The following PTPRN2 variants were observed in gnomAD, a reference collection of about 807,000 sequenced individuals.
The protein encoded by PTPRN2 is receptor-type tyrosine-protein phosphatase N2.
Under a neutral mutation model 118.8 loss-of-function variants are expected in PTPRN2, and 74 were observed. The ratio of observed to expected loss-of-function variants is 0.62; its 90% CI spans 0.52 to 0.76. The LOEUF (loss-of-function observed/expected upper bound fraction) is 0.76, where lower values mean the gene tolerates loss of function less well. PTPRN2 is among the 30% of genes least tolerant of loss of function. The probability of loss-of-function intolerance (pLI) is 0.00; values close to 1 mark genes in which losing one functional copy is unlikely to be tolerated. For missense variants in PTPRN2, 1,481 were observed against 1,394.4 expected (o/e 1.06, Z -0.99); for synonymous variants, 641 against 608.0 (o/e 1.05, Z -0.80).
intron 11 of PTPRN2, among the ~76,000 whole-genome samples, chr7:157,899,855 C>G (rs957744439): frequency 6.6e-6 from 1 of 152,112 alleles, no homozygotes; most frequent in Admixed American, 6.5e-5. Flanking sequence ...AAGCAAAACT[C>G]CTTTAATACT....
intron 9 of PTPRN2, among the ~76,000 whole-genome samples, chr7:158,129,915 G>A (rs1238993592): frequency 6.6e-6 from 1 of 152,198 alleles, no homozygotes; most frequent in Non-Finnish European, 1.5e-5. Flanking sequence ...TCCAAGCAAA[G>A]AGCCTGGAAA....
intron 2 of PTPRN2, among the ~76,000 whole-genome samples, chr7:158,466,914 G>A (rs1206456036): frequency 1.3e-5 from 2 of 152,190 alleles, no homozygotes; most frequent in East Asian, 1.9e-4. Flanking sequence ...GGTGGCACAT[G>A]TCTGTAATCC....
Position 158,177,267 on chromosome 7 carries a change from T to A in PTPRN2, c.550-9976A>T, listed in dbSNP as rs76583176. ...GTTGGTTTTATGGATTTTTTTTTAA[T>A]TTTAGCCAATCTAGTGACATGAAGT... On this transcript the variant is annotated intron_variant, in intron 5 of 22. Coordinates refer to ENST00000389418, the MANE Select transcript of PTPRN2 (RefSeq NM_002847.5). Among the ~76,000 whole-genome samples, 425 of 152,336 alleles carry A rather than the reference T, an allele frequency of 2.8e-3. 7 individuals carry two copies. Among genetic ancestry groups the A allele is most frequent in the African/African-American group, 0.01 (417 of 41,570 alleles).
At chr7:157,552,629 C>A (rs1585020619) in intron 21 of PTPRN2, among the ~76,000 whole-genome samples, 1 of 152,228 alleles carries the variant, frequency 6.6e-6, no homozygotes, top group African/African-American at 2.4e-5. Context: ...AAATGTATTA[C>A]AACCAGTCTT....
chr7:158,524,752 C>T (rs1025704783), intron 1 of PTPRN2, among the ~76,000 whole-genome samples: 13 of 152,140 alleles, frequency 8.5e-5, no homozygotes, highest in African/African-American at 2.9e-4. Context: ...CCCCCACTTA[C>T]GCCAAAATCT....
chr7:158,051,987 T>C (rs1457084601), intron 11 of PTPRN2, among the ~76,000 whole-genome samples: 1 of 152,210 alleles, frequency 6.6e-6, no homozygotes, highest in African/African-American at 2.4e-5. Context: ...TATAGACATT[T>C]GTCTCTCTTT....
At chr7:157,878,861 G>A (rs566685327) in intron 12 of PTPRN2, among the ~76,000 whole-genome samples, 4 of 86,334 alleles carry the variant, frequency 4.6e-5, no homozygotes, top group Non-Finnish European at 6.6e-5. Context: ...AGGAGCTCTC[G>A]GATTCCGTGG....
chr7:157,735,442 T>C (rs1800241960), intron 12 of PTPRN2, among the ~76,000 whole-genome samples: 1 of 152,162 alleles, frequency 6.6e-6, no homozygotes, highest in South Asian at 2.1e-4. Context: ...CTGCATCTTA[T>C]CTGCGTCCAC....
In PTPRN2 at chr7:158,192,611, C is replaced by T. The variant is rs1232173729; in HGVS notation, c.381-116G>A. ...GGCTGGGAGCCGGGCTCTCGGTGGC[C>T]GGCCTGGCCTTGCTGCTCCATGACC... On this transcript the variant is annotated intron_variant, in intron 4 of 22. Transcript: ENST00000389418. The T allele has an allele frequency of 3.1e-5, 38 of 1,219,952 alleles. No individual in the cohort carries two copies. In the Admixed American group the frequency reaches 3.3e-4, roughly 11 times the overall value. 75.6% of individuals were successfully genotyped at this position (1,219,952 alleles called of 1,614,324 possible).
intron 2 of PTPRN2, among the ~76,000 whole-genome samples, chr7:158,342,725 GT>G (rs1384446079): frequency 1.3e-5 from 2 of 152,184 alleles, no homozygotes; most frequent in Non-Finnish European, 2.9e-5. Flanking sequence ...GCCCAGAGAG[GT>G]TGGGTGCCTT....
intron 11 of PTPRN2, among the ~76,000 whole-genome samples, chr7:158,079,835 G>A (rs1474626162): frequency 1.3e-5 from 2 of 152,136 alleles, no homozygotes; most frequent in Admixed American, 6.5e-5. Flanking sequence ...TTCATGCTGG[G>A]ACCGCACTGG....
At chr7:157,545,799 C>A (rs1409435853) in intron 22 of PTPRN2, among the ~76,000 whole-genome samples, 1 of 152,178 alleles carries the variant, frequency 6.6e-6, no homozygotes, top group Non-Finnish European at 1.5e-5. Context: ...GGTGCTCACC[C>A]TCGACGGCTC....
At chr7:158,068,211 C>G (rs980948076) in intron 11 of PTPRN2, among the ~76,000 whole-genome samples, 2 of 152,214 alleles carry the variant, frequency 1.3e-5, no homozygotes, top group Non-Finnish European at 2.9e-5. Flanking sequence ...GTGTCCCTGT[C>G]ACTCCTTCAA....
At chr7:157,891,019 C>T (rs574397451) in intron 12 of PTPRN2, among the ~76,000 whole-genome samples, 57 of 152,308 alleles carry the variant, frequency 3.7e-4, no homozygotes, top group Middle Eastern at 3.4e-3. Flanking sequence ...CTCCTTACTC[C>T]GGCTCTCTTC....
intron 1 of PTPRN2, among the ~76,000 whole-genome samples, chr7:158,585,810 G>A (rs181094152): frequency 8.5e-5 from 13 of 152,298 alleles, no homozygotes; most frequent in African/African-American, 2.4e-4. Context: ...GACACTCCAC[G>A]CCCATGTGTG....
intron 6 of PTPRN2, among the ~76,000 whole-genome samples, chr7:158,146,698 G>C (rs1197178741): frequency 1.4e-5 from 2 of 146,254 alleles, no homozygotes; most frequent in Admixed American, 1.4e-4. Flanking sequence ...TCCAGCCTGG[G>C]CGACAGAGCG....
chr7:157,545,002 T>C (rs1487661808), intron 22 of PTPRN2, among the ~76,000 whole-genome samples: 1 of 146,300 alleles, frequency 6.8e-6, no homozygotes, highest in Non-Finnish European at 1.5e-5. Context: ...GTGTGCAGGG[T>C]CCATGACTGT....
Position 157,780,499 on chromosome 7 carries a change from C to T in PTPRN2, c.1789-97562G>A, listed in dbSNP as rs1369483505. Among the ~76,000 whole-genome samples the T allele has an allele frequency of 2.0e-5, 3 of 152,220 alleles. No individual in the cohort carries two copies. The highest frequency in any genetic ancestry group is 7.2e-5 in the African/African-American group (3 of 41,448). On this transcript the variant is annotated intron_variant, in intron 12 of 22. Transcript: ENST00000389418. This position sits in a 1 kb window ranked among gnomAD's most constrained non-coding sequence, Gnocchi z 4.5. ...CAGAGCAACTGAAGTTCGCTTGTCC[C>T]CACAGGCAGCTCGACATGGTGCAGA...
rs150453605 is a variant in PTPRN2 at position 157,780,784 on chromosome 7, C to T, written c.1789-97847G>A. ...GCATGTGCCCCCGGGCCAAGGTGGA[C>T]GAGCTCTCCAAACTCGCTTTCTCTG... On this transcript the variant is annotated intron_variant, in intron 12 of 22. Coordinates refer to ENST00000389418, the MANE Select transcript of PTPRN2 (RefSeq NM_002847.5). The surrounding 1 kb of genome is among the most constrained non-coding windows in gnomAD (Gnocchi z 4.5). 5.9e-4 allele frequency among the ~76,000 whole-genome samples: 90 copies of T among 152,318 alleles called. No homozygotes were observed. The highest frequency in any genetic ancestry group is 3.4e-3 in the Middle Eastern group (1 of 294).
Sources: allele counts gnomAD v4.1 joint callset (sites outside exome capture counted in the v4.1 genomes callset), GRCh38; gene constraint gnomAD v4.1.1; non-coding constraint Gnocchi (gnomAD v3.1); transcripts MANE v1.5; gene names NCBI Gene and HGNC (gene_info 2026-07-23, HGNC 2026-07-21).